The following CNTN5 variants were observed in gnomAD, a reference collection of about 807,000 sequenced individuals.
The protein encoded by CNTN5 is contactin 5, also known as contactin-5.
Under a neutral mutation model 129.1 loss-of-function variants are expected in CNTN5, and 77 were observed. The observed-to-expected ratio is 0.60, with a 90% CI of 0.50 to 0.72. CNTN5 has a LOEUF of 0.72. Among genes scored for constraint, CNTN5 ranks in the 30% least tolerant of loss-of-function variants. The pLI, the probability that CNTN5 is intolerant of heterozygous loss-of-function variation, is 0.00. For synonymous variants in CNTN5, 509 were observed against 465.6 expected, an observed-to-expected ratio of 1.09 and a Z score of -1.20; for missense variants, 1,478 against 1,328.8, an observed-to-expected ratio of 1.11 and a Z score of -1.75.
At chr11:100,073,444 T>C (rs1944007834) in intron 12 of CNTN5, among the ~76,000 whole-genome samples, 1 of 151,596 alleles carries the variant, frequency 6.6e-6, no homozygotes, top group African/African-American at 2.4e-5. Flanking sequence ...TGATATATTT[T>C]ATATATATAA....
At chr11:99,028,642 CT>C (rs1565258042) in intron 1 of CNTN5, among the ~76,000 whole-genome samples, 1 of 151,850 alleles carries the variant, frequency 6.6e-6, no homozygotes, top group Non-Finnish European at 1.5e-5. Flanking sequence ...TTTTTGACAT[CT>C]CATTATGTTG....
chr11:99,202,783 T>C (rs1238803483), intron 1 of CNTN5, among the ~76,000 whole-genome samples: 1 of 150,608 alleles, frequency 6.6e-6, no homozygotes, highest in African/African-American at 2.4e-5. Flanking sequence ...TAAATATAAA[T>C]ATATATTTTA....
At chr11:99,409,436 C>A (rs1034787179) in intron 2 of CNTN5, among the ~76,000 whole-genome samples, 8 of 151,980 alleles carry the variant, frequency 5.3e-5, no homozygotes, top group African/African-American at 1.9e-4. Flanking sequence ...CTACTGCACT[C>A]CAGCCTGGGC....
chr11:99,047,396 A>C (rs1476048606), intron 1 of CNTN5, among the ~76,000 whole-genome samples: 6 of 149,772 alleles, frequency 4.0e-5, no homozygotes, highest in Non-Finnish European at 5.9e-5. Context: ...AAAAAAAAAA[A>C]CCAAAAAAGT....
rs556764879 is a variant in CNTN5 at position 99,396,182 on chromosome 11, T to C, written c.-71+70698T>C. On this transcript the variant is annotated intron_variant, in intron 2 of 24. Transcript: ENST00000524871. ...ACTCTTTCTATCCATGATCATGGAATGTTTTTTTCATTTGTTTGTGTCAAT... is the reference window on the plus strand; with the variant it reads ...ACTCTTTCTATCCATGATCATGGAACGTTTTTTTCATTTGTTTGTGTCAAT... Among the ~76,000 whole-genome samples the C allele has an allele frequency of 0.044, 25 of 574 alleles. 2 individuals carry two copies. The South Asian group carries it at 0.52, about 12-fold the overall frequency. The allele number at this position is 574 out of a possible 152,430, so 0.4% of individuals were successfully genotyped here.
At chr11:99,032,818 TG>T (rs916099307) in intron 1 of CNTN5, among the ~76,000 whole-genome samples, 13 of 147,790 alleles carry the variant, frequency 8.8e-5, no homozygotes, top group South Asian at 8.5e-4. Flanking sequence ...TTGCTTTTGG[TG>T]TTTTAGACAT....
At chr11:100,021,996 C>T (rs1438667683) in intron 9 of CNTN5, among the ~76,000 whole-genome samples, 1 of 152,118 alleles carries the variant, frequency 6.6e-6, no homozygotes, top group Non-Finnish European at 1.5e-5. Context: ...CCTGCTTTTT[C>T]CAGCCTCACT....
intron 3 of CNTN5, among the ~76,000 whole-genome samples, chr11:99,772,374 G>T (rs1231530522): frequency 6.6e-6 from 1 of 152,002 alleles, no homozygotes. Flanking sequence ...TTATTTTCTA[G>T]AGGAAATGAC....
At chr11:99,386,141 T>C (rs1006905292) in intron 2 of CNTN5, among the ~76,000 whole-genome samples, 1 of 152,142 alleles carries the variant, frequency 6.6e-6, no homozygotes, top group Non-Finnish European at 1.5e-5. Flanking sequence ...TTATTGGACT[T>C]CACTAGAGCA....
intron 6 of CNTN5, among the ~76,000 whole-genome samples, chr11:99,869,822 C>A (rs1226127273): frequency 1.3e-5 from 2 of 152,122 alleles, no homozygotes; most frequent in African/African-American, 4.8e-5. Context: ...ATCTATGTGG[C>A]AAAGATGATT....
chr11:99,627,561 C>A (rs1951176893), intron 3 of CNTN5, among the ~76,000 whole-genome samples: 1 of 151,828 alleles, frequency 6.6e-6, no homozygotes, highest in African/African-American at 2.4e-5. Flanking sequence ...GACTATAACC[C>A]CAGTGGGGAA....
intron 1 of CNTN5, among the ~76,000 whole-genome samples, chr11:99,100,989 G>A (rs1016146199): frequency 1.3e-5 from 2 of 152,144 alleles, no homozygotes; most frequent in South Asian, 2.1e-4. Flanking sequence ...AGGCAGACCT[G>A]AGCCTGGGTA....
At chr11:100,134,335 T>C (rs541359068) in intron 13 of CNTN5, among the ~76,000 whole-genome samples, 138 of 152,282 alleles carry the variant, frequency 9.1e-4, no homozygotes, top group African/African-American at 3.2e-3. Context: ...GAAAGGGTGG[T>C]ATTCTCGATG....
At chr11:99,105,747 G>A (rs1866965445) in intron 1 of CNTN5, among the ~76,000 whole-genome samples, 2 of 152,090 alleles carry the variant, frequency 1.3e-5, no homozygotes, top group Admixed American at 6.6e-5. Context: ...CTGGGGTAAT[G>A]CGATTCAGAA....
intron 12 of CNTN5, among the ~76,000 whole-genome samples, chr11:100,072,788 A>G (rs1293818016): frequency 6.6e-6 from 1 of 152,076 alleles, no homozygotes; most frequent in Non-Finnish European, 1.5e-5. Flanking sequence ...CAAAATAGTT[A>G]CAGGATTCTT....
At chr11:99,471,269 A>G (rs1945161416) in intron 2 of CNTN5, among the ~76,000 whole-genome samples, 1 of 152,332 alleles carries the variant, frequency 6.6e-6, no homozygotes, top group African/African-American at 2.4e-5. Context: ...AGAATATAAA[A>G]TATCTTCCAA....
intron 2 of CNTN5, among the ~76,000 whole-genome samples, chr11:99,384,154 AG>A (rs973455152): frequency 6.0e-4 from 92 of 152,312 alleles, no homozygotes; most frequent in African/African-American, 2.1e-3. Flanking sequence ...GCTTTTTACA[AG>A]GCAAAGCTAT....
rs560728820 is a variant in CNTN5, at chr11:100,098,293, A to G, written c.1580+23999A>G. On this transcript the variant is annotated intron_variant, in intron 13 of 24. Coordinates refer to ENST00000524871, the MANE Select transcript of CNTN5 (RefSeq NM_014361.4). The stretch of plus-strand genomic sequence containing the variant: ...TATTCATCTTTTGTTGTATTCAAAG[A>G]TAAGAAAGTAGTGATTACTTACATT... 1.8e-4 allele frequency among the ~76,000 whole-genome samples: 28 copies of G among 152,214 alleles called. No homozygotes were observed. In the South Asian group the frequency reaches 5.6e-3, roughly 30 times the overall value.
chr11:99,355,823 T>TTGG (rs1422043320), intron 2 of CNTN5, among the ~76,000 whole-genome samples: 2 of 118,438 alleles, frequency 1.7e-5, no homozygotes, highest in Non-Finnish European at 3.7e-5. Context: ...TTTTTTTTGT[T>TTGG]TTTTTTTTTT....
Sources: allele counts gnomAD v4.1 joint callset (sites outside exome capture counted in the v4.1 genomes callset), GRCh38; gene constraint gnomAD v4.1.1; transcripts MANE v1.5; gene names NCBI Gene and HGNC (gene_info 2026-07-23, HGNC 2026-07-21).